The following ASCC1 variants were observed in gnomAD, a reference collection of about 807,000 sequenced individuals.
The protein encoded by ASCC1 is ASC-1 complex subunit P50.
A neutral mutation model predicts 46.6 loss-of-function variants in ASCC1; 35 were observed. The ratio of observed to expected loss-of-function variants is 0.75; its 90% CI spans 0.57 to 0.99. The LOEUF (loss-of-function observed/expected upper bound fraction) is 0.99. Among genes scored for constraint, ASCC1 ranks in the 50% least tolerant of loss-of-function variants. ASCC1 has a pLI of 0.00. For missense variants in ASCC1, 376 were observed against 428.7 expected (o/e 0.88, Z 1.09); for synonymous variants, 143 against 146.6 (o/e 0.98, Z 0.18).
chr10:72,153,875 C>T (rs1164326662), intron 6 of ASCC1, among the ~76,000 whole-genome samples: 1 of 152,116 alleles, frequency 6.6e-6, no homozygotes, highest in Non-Finnish European at 1.5e-5. Context: ...GCACCTGCCA[C>T]CACGCCAAGC....
intron 9 of ASCC1, among the ~76,000 whole-genome samples, chr10:72,104,394 C>A (rs1377595457): frequency 6.6e-6 from 1 of 151,940 alleles, no homozygotes; most frequent in African/African-American, 2.4e-5. Flanking sequence ...AAAATAAGCA[C>A]GAGTCAACTA....
At chr10:72,138,723 CACCA>C (rs1419356100) in intron 7 of ASCC1, among the ~76,000 whole-genome samples, 1 of 151,642 alleles carries the variant, frequency 6.6e-6, no homozygotes, top group Admixed American at 6.6e-5. Flanking sequence ...AGACATTCGC[CACCA>C]CACCCAGCTA....
intron 5 of ASCC1, among the ~76,000 whole-genome samples, chr10:72,177,197 T>C (rs1431388751): frequency 1.3e-5 from 2 of 152,212 alleles, no homozygotes; most frequent in East Asian, 1.9e-4. Context: ...GGACAATATA[T>C]GAATCTTGTA....
intron 9 of ASCC1, among the ~76,000 whole-genome samples, chr10:72,115,803 T>C (rs16929688): frequency 0.13 from 19,597 of 152,144 alleles, 3,957 homozygotes; most frequent in African/African-American, 0.43. Flanking sequence ...CTTTATAGTG[T>C]TTATTCAGAC....
At chr10:72,156,220 C>T (rs966535494) in intron 6 of ASCC1, among the ~76,000 whole-genome samples, 6 of 152,214 alleles carry the variant, frequency 3.9e-5, no homozygotes, top group African/African-American at 1.4e-4. Context: ...CTGCCACTCT[C>T]TGTTGCTTGT....
chr10:72,215,097 C>A (rs1294150909), intron 1 of ASCC1, among the ~76,000 whole-genome samples: 1 of 152,206 alleles, frequency 6.6e-6, no homozygotes, highest in Admixed American at 6.5e-5. Flanking sequence ...TTGATCCTTA[C>A]TAAATACACT....
intron 3 of ASCC1, among the ~76,000 whole-genome samples, chr10:72,207,071 G>A (rs1402881451): frequency 1.3e-5 from 2 of 152,148 alleles, no homozygotes; most frequent in Non-Finnish European, 1.5e-5. Flanking sequence ...CACCTTTTCA[G>A]TTAAAAGTAT....
intron 5 of ASCC1, among the ~76,000 whole-genome samples, chr10:72,172,810 TTA>T (rs1564694425): frequency 7.4e-6 from 1 of 134,502 alleles, no homozygotes; most frequent in Non-Finnish European, 1.6e-5. Context: ...TATTTTTATA[TTA>T]TATATAATAT....
At chr10:72,102,186 A>G in intron 9 of ASCC1, 1 of 673,956 alleles carries the variant, frequency 1.5e-6, no homozygotes, top group Admixed American at 2.4e-5. Context: ...TTTCTAGATG[A>G]GAAGGAGATG....
chr10:72,102,204 C>T, intron 9 of ASCC1: 1 of 736,792 alleles, frequency 1.4e-6, no homozygotes, highest in Non-Finnish European at 2.3e-6. Context: ...ATGGAAAAAT[C>T]AGTGATGATG....
At chr10:72,167,478 CT>C in intron 5 of ASCC1, among the ~76,000 whole-genome samples, 1 of 152,122 alleles carries the variant, frequency 6.6e-6, no homozygotes, top group East Asian at 1.9e-4. Context: ...CACAAGGGAT[CT>C]TTTTAGGGTG....
intron 7 of ASCC1, among the ~76,000 whole-genome samples, chr10:72,137,867 C>CT (rs201028015): frequency 1.3e-3 from 188 of 145,834 alleles, no homozygotes; most frequent in East Asian, 7.1e-3. Flanking sequence ...TCTTCTTCTT[C>CT]TTTTTTTTTT....
At position 72,096,763 on chromosome 10, in the gene ASCC1, A is replaced by G. The variant is rs1163839819; in HGVS notation, c.*571T>C. The G allele has an allele frequency of 2.2e-6, 1 of 454,138 alleles. No individual in the cohort carries two copies. 28.1% of individuals were successfully genotyped at this position (454,138 alleles called of 1,614,324 possible). On this transcript the variant is annotated 3_prime_UTR_variant, in exon 10 of 10. Coordinates refer to ENST00000672957, the MANE Select transcript of ASCC1 (RefSeq NM_001198800.3). ...AGGAAATCCTGTCACCTGACACAAC[A>G]TGGATGAACCTTGAGGACATTATGC...
intron 5 of ASCC1, among the ~76,000 whole-genome samples, chr10:72,168,399 C>T (rs1850644595): frequency 6.6e-6 from 1 of 152,082 alleles, no homozygotes; most frequent in Non-Finnish European, 1.5e-5. Flanking sequence ...ATCAAACTGA[C>T]AAAAAATCAA....
intron 7 of ASCC1, 88 bp downstream of exon 7, chr10:72,152,781 C>A: frequency 6.7e-7 from 1 of 1,502,536 alleles, no homozygotes; most frequent in South Asian, 1.2e-5. Context: ...AATAAGAACT[C>A]AAAGAAAAGG....
chr10:72,162,878 G>C (rs752736128), intron 5 of ASCC1, among the ~76,000 whole-genome samples: 1 of 151,716 alleles, frequency 6.6e-6, no homozygotes, highest in South Asian at 2.1e-4. Context: ...GGGAGGCAGA[G>C]GTTGCAGTGA....
At chr10:72,214,154 A>G (rs1330205272) in intron 1 of ASCC1, among the ~76,000 whole-genome samples, 1 of 151,884 alleles carries the variant, frequency 6.6e-6, no homozygotes, top group East Asian at 1.9e-4. Flanking sequence ...AGAGTTTGAA[A>G]CCAGCCTGGG....
At chr10:72,105,966 C>T (rs910183624) in intron 9 of ASCC1, among the ~76,000 whole-genome samples, 5 of 152,036 alleles carry the variant, frequency 3.3e-5, no homozygotes, top group African/African-American at 7.3e-5. Flanking sequence ...TCTGTGACCT[C>T]GGGCTATAGA....
rs1478373442 is a variant in ASCC1, at chr10:72,097,362, G to A, written c.1046C>T (p.Ala349Val). The change falls in exon 10 of 10, where the codon GCT becomes GTT. Residue 349 changes from alanine to valine, a missense_variant. Physicochemically the swap from Ala to Val is moderately conservative, Grantham distance 64. Transcript: ENST00000672957. The stretch of plus-strand genomic sequence containing the variant: ...GGAGAAGTCAATTTGTCCACAGGAA[G>A]CGTAGTTTCCAAAGCTGTCTACGGT... The part of the protein sequence containing the change: ...RFTVDSFGNY[A>V]SCGQIDFS The A allele has an allele frequency of 2.5e-6, 4 of 1,613,328 alleles. No individual in the cohort carries two copies. Among genetic ancestry groups the A allele is most frequent in the Non-Finnish European group, 3.4e-6 (4 of 1,179,282 alleles).
Sources: gnomAD v4.1 joint callset for allele counts (sites outside exome capture counted in the v4.1 genomes callset) on GRCh38, gnomAD v4.1.1 for gene constraint, MANE v1.5 for transcripts, NCBI Gene and HGNC (gene_info 2026-07-23, HGNC 2026-07-21) for gene names.